Variants in SYN2 observed in about 807,000 individuals in gnomAD.
The protein encoded by SYN2 is synapsin II.
Under a neutral mutation model 50.9 loss-of-function variants are expected in SYN2, and 19 were observed. The ratio of observed to expected loss-of-function variants is 0.37; its 90% confidence interval spans 0.26 to 0.55. The LOEUF is 0.55. SYN2 is among the 20% of genes least tolerant of loss of function. The probability of loss-of-function intolerance (pLI) is 0.81; values close to 1 mark genes in which losing one functional copy is unlikely to be tolerated. For synonymous variants in SYN2, 255 were observed against 224.9 expected (o/e 1.13, Z -1.20); for missense variants, 587 against 576.4 (o/e 1.02, Z -0.19).
chr3:12,068,289 T>A (rs1281642763), intron 1 of SYN2, among the ~76,000 whole-genome samples: 1 of 152,204 alleles, frequency 6.6e-6, no homozygotes, highest in African/African-American at 2.4e-5. Flanking sequence ...TCATTTTTCC[T>A]TAGAATGTTG....
intron 1 of SYN2, among the ~76,000 whole-genome samples, chr3:12,007,912 A>G (rs914790548): frequency 6.6e-6 from 1 of 152,234 alleles, no homozygotes; most frequent in Non-Finnish European, 1.5e-5. Context: ...AGATCTTTAG[A>G]TTAATCGCAC....
intron 8 of SYN2, 81 bp downstream of exon 8, chr3:12,167,389 T>G: frequency 8.7e-5 from 124 of 1,423,670 alleles, no homozygotes; most frequent in Non-Finnish European, 1.1e-4. Flanking sequence ...AATTAAGCTC[T>G]GTCCAAAGGG....
At position 12,107,405 on chromosome 3, in the gene SYN2, G is replaced by A. The variant is rs564979005; in HGVS notation, c.378-33246G>A. ...ATGTCGTTGCAGTATAATAACATTTGCTCGGTCCTTATTGATGATCTGCTC... is the reference window on the plus strand; with the variant it reads ...ATGTCGTTGCAGTATAATAACATTTACTCGGTCCTTATTGATGATCTGCTC... On this transcript the variant is annotated intron_variant, in intron 1 of 12. Coordinates refer to ENST00000621198, the MANE Select transcript of SYN2 (RefSeq NM_133625.6). Among the ~76,000 whole-genome samples, 3 of 152,260 alleles carry A rather than the reference G, an allele frequency of 2.0e-5. No homozygotes were observed. The East Asian group carries it at 5.8e-4, about 29-fold the overall frequency.
intron 1 of SYN2, among the ~76,000 whole-genome samples, chr3:12,095,506 C>T: frequency 8.3e-6 from 1 of 120,038 alleles, no homozygotes; most frequent in Non-Finnish European, 1.7e-5. Context: ...CGAGATGGCG[C>T]CACTGCACTC....
At chr3:12,038,898 A>T (rs1296985984) in intron 1 of SYN2, among the ~76,000 whole-genome samples, 1 of 152,126 alleles carries the variant, frequency 6.6e-6, no homozygotes, top group Admixed American at 6.5e-5. Context: ...GGATGCCTTT[A>T]ATTTCTTTCT....
At chr3:12,188,318 A>G (rs1208667198) in intron 12 of SYN2, among the ~76,000 whole-genome samples, 1 of 152,194 alleles carries the variant, frequency 6.6e-6, no homozygotes, top group African/African-American at 2.4e-5. Context: ...TTTGGGAGGG[A>G]CAGCACCTGG....
chr3:12,093,325 A>G (rs924722149), intron 1 of SYN2, among the ~76,000 whole-genome samples: 1 of 152,168 alleles, frequency 6.6e-6, no homozygotes, highest in Non-Finnish European at 1.5e-5. Flanking sequence ...TAGGAATGGT[A>G]TCATTTGTCA....
At chr3:12,110,073 C>T (rs1210282413) in intron 1 of SYN2, among the ~76,000 whole-genome samples, 1 of 152,096 alleles carries the variant, frequency 6.6e-6, no homozygotes, top group African/African-American at 2.4e-5. Context: ...CCTGTAGTCC[C>T]AGCTACTGGG....
intron 8 of SYN2, among the ~76,000 whole-genome samples, chr3:12,167,900 C>G (rs930941242): frequency 6.6e-6 from 1 of 152,130 alleles, no homozygotes; most frequent in Non-Finnish European, 1.5e-5. Context: ...TTGTTGGGAA[C>G]TGAAGCAAAG....
At chr3:12,040,898 T>C (rs994247629) in intron 1 of SYN2, among the ~76,000 whole-genome samples, 1 of 152,180 alleles carries the variant, frequency 6.6e-6, no homozygotes, top group Non-Finnish European at 1.5e-5. Flanking sequence ...GAATATGTGC[T>C]TCTCTCTTCT....
intron 1 of SYN2, among the ~76,000 whole-genome samples, chr3:12,087,057 A>G (rs1482780209): frequency 1.3e-5 from 2 of 152,226 alleles, no homozygotes. Context: ...GCATTTCCAT[A>G]TACTAACAAT....
chr3:12,149,457 G>A (rs1211277167), intron 4 of SYN2, among the ~76,000 whole-genome samples: 2 of 152,198 alleles, frequency 1.3e-5, no homozygotes, highest in Non-Finnish European at 1.5e-5. Flanking sequence ...CAAATTGAAG[G>A]ACCAAAGTCG....
At chr3:12,184,976 G>A in intron 11 of SYN2, 3 of 985,796 alleles carry the variant, frequency 3.0e-6, no homozygotes, top group Non-Finnish European at 2.4e-6. Context: ...GAAGGAACTA[G>A]TGTTGGTGGT....
In SYN2 at chr3:12,071,525, G is replaced by T. The variant is rs183172646; in HGVS notation, c.377+66597G>T. 1.5e-4 allele frequency: 56 copies of T among 362,598 alleles called. No homozygotes were observed. The East Asian group carries it at 4.0e-3, about 26-fold the overall frequency. The allele number at this position is 362,598 out of a possible 1,614,324, so 22.5% of individuals were successfully genotyped here. On this transcript the variant is annotated intron_variant, in intron 1 of 12. Coordinates refer to ENST00000621198, the MANE Select transcript of SYN2 (RefSeq NM_133625.6). Reference sequence around the variant, plus strand: ...TTGTATCTGATATCAGCACTTGATTGTAGAACTTGTTGCTGATTTTGACCT... The same window carrying T: ...TTGTATCTGATATCAGCACTTGATTTTAGAACTTGTTGCTGATTTTGACCT...
rs372305463 is a variant in SYN2, at chr3:12,187,425, C to A, written c.1426C>A (p.Arg476=). 4 of 1,552,004 alleles carry A rather than the reference C, an allele frequency of 2.6e-6. No individual in the cohort carries two copies. In the African/African-American group the frequency reaches 4.1e-5, roughly 16 times the overall value. The change falls in exon 12 of 13, where the codon CGG becomes AGG. Residue 476 remains arginine, a synonymous_variant. Transcript: ENST00000621198. ...QPPGKVLPPR[R]LPPGPSLPPS... ...CCCAGGCAAGGTGCTGCCTCCACGC[C>A]GGCTCCCCCCTGGACCATCACTGCC...
intron 1 of SYN2, among the ~76,000 whole-genome samples, chr3:12,020,667 T>A (rs569529152): frequency 6.6e-6 from 1 of 152,270 alleles, no homozygotes; most frequent in East Asian, 1.9e-4. Flanking sequence ...AACAGGCACC[T>A]AGATATAAAC....
chr3:12,189,141 A>G (rs1423411781), intron 12 of SYN2, among the ~76,000 whole-genome samples: 1 of 152,172 alleles, frequency 6.6e-6, no homozygotes, highest in Non-Finnish European at 1.5e-5. Context: ...CCCAGCATTT[A>G]AGGGAGGGCT....
chr3:12,171,133 A>G (rs2125244872), intron 10 of SYN2, among the ~76,000 whole-genome samples: 1 of 152,292 alleles, frequency 6.6e-6, no homozygotes, highest in South Asian at 2.1e-4. Flanking sequence ...GATGTTATAT[A>G]TTAGCTCTTA....
chr3:12,127,442 G>A (rs752940782), intron 1 of SYN2, among the ~76,000 whole-genome samples: 1 of 152,192 alleles, frequency 6.6e-6, no homozygotes, highest in Non-Finnish European at 1.5e-5. Flanking sequence ...GCCTATGAGA[G>A]GATAGCATCT....
Sources: allele counts gnomAD v4.1 joint callset (sites outside exome capture counted in the v4.1 genomes callset), GRCh38; gene constraint gnomAD v4.1.1; transcripts MANE v1.5; gene names NCBI Gene and HGNC (gene_info 2026-07-23, HGNC 2026-07-21).